Variants in DTNA observed in about 807,000 individuals in gnomAD.
DTNA encodes dystrobrevin alpha, also known as dystrophin-related protein 3.
DTNA carries 43 observed loss-of-function variants against 100.7 expected under a neutral mutation model. That is an observed-to-expected ratio of 0.43 (90% CI 0.33 to 0.55). The LOEUF (loss-of-function observed/expected upper bound fraction) is 0.55. Among genes scored for constraint, DTNA ranks in the 20% least tolerant of loss-of-function variants. The probability of loss-of-function intolerance (pLI) is 0.04; values close to 1 mark genes in which losing one functional copy is unlikely to be tolerated. For missense variants in DTNA, 798 were observed against 953.9 expected, an observed-to-expected ratio of 0.84 and a Z score of 2.15; for synonymous variants, 349 against 347.9, an observed-to-expected ratio of 1.00 and a Z score of -0.04.
At chr18:34,594,216 G>C (rs1232560253) in intron 1 of DTNA, among the ~76,000 whole-genome samples, 1 of 151,968 alleles carries the variant, frequency 6.6e-6, no homozygotes, top group Non-Finnish European at 1.5e-5. Flanking sequence ...AGAAGACAAG[G>C]GAGAGGAAGA....
chr18:34,860,377 A>G (rs1206993181), intron 16 of DTNA, among the ~76,000 whole-genome samples: 1 of 151,586 alleles, frequency 6.6e-6, no homozygotes, highest in Non-Finnish European at 1.5e-5. Context: ...CATTCTTTTC[A>G]TCTTTCAGTT....
chr18:34,817,928 T>C, intron 7 of DTNA: 1 of 1,371,716 alleles, frequency 7.3e-7, no homozygotes, highest in Non-Finnish European at 9.5e-7. Flanking sequence ...ACAGAGATTT[T>C]TGTTGTTAAA....
chr18:34,681,227 A>C (rs1466946619), intron 1 of DTNA, among the ~76,000 whole-genome samples: 1 of 152,090 alleles, frequency 6.6e-6, no homozygotes, highest in African/African-American at 2.4e-5. Context: ...TACTTCATTA[A>C]TTTCTTCCAA....
At chr18:34,730,576 A>G (rs1474765435) in intron 1 of DTNA, among the ~76,000 whole-genome samples, 3 of 152,142 alleles carry the variant, frequency 2.0e-5, no homozygotes, top group Non-Finnish European at 4.4e-5. Flanking sequence ...AGTAATTTTC[A>G]TGGCTCTGGG....
chr18:34,694,544 G>A (rs552922159), intron 1 of DTNA, among the ~76,000 whole-genome samples: 1 of 152,214 alleles, frequency 6.6e-6, no homozygotes, highest in South Asian at 2.1e-4. Flanking sequence ...TCTCAATTTT[G>A]TCTATTTCTA....
intron 1 of DTNA, among the ~76,000 whole-genome samples, chr18:34,559,352 A>G (rs148559237): frequency 1.3e-5 from 2 of 152,222 alleles, no homozygotes; most frequent in Non-Finnish European, 1.5e-5. Context: ...AGTGGGGGGA[A>G]AAATGAATAG....
chr18:34,783,658 C>A (rs1264336109), intron 3 of DTNA, among the ~76,000 whole-genome samples: 11 of 152,144 alleles, frequency 7.2e-5, no homozygotes, highest in Admixed American at 6.5e-4. Flanking sequence ...GAAAACAAAT[C>A]TGAAGATTGT....
At chr18:34,557,231 G>T (rs924752549) in intron 1 of DTNA, among the ~76,000 whole-genome samples, 3 of 143,412 alleles carry the variant, frequency 2.1e-5, no homozygotes, top group African/African-American at 8.1e-5. Context: ...GCTCCTTTAA[G>T]CACTTCTCTG....
chr18:34,537,020 A>T (rs2043782304), intron 1 of DTNA, among the ~76,000 whole-genome samples: 1 of 151,956 alleles, frequency 6.6e-6, no homozygotes, highest in Non-Finnish European at 1.5e-5. Context: ...AAATTCAGGG[A>T]CAATAAAAGA....
chr18:34,835,652 CT>C (rs1439411668), intron 11 of DTNA, among the ~76,000 whole-genome samples: 1 of 152,232 alleles, frequency 6.6e-6, no homozygotes, highest in Non-Finnish European at 1.5e-5. Flanking sequence ...GTACACAGTA[CT>C]GAGGCTAGGG....
At position 34,700,348 on chromosome 18, in the gene DTNA, C is replaced by T. The variant is rs572180146; in HGVS notation, c.-1-55628C>T. Among the ~76,000 whole-genome samples the T allele has an allele frequency of 2.6e-5, 4 of 152,250 alleles. No individual in the cohort carries two copies. The South Asian group carries it at 6.2e-4, about 24-fold the overall frequency. On this transcript the variant is annotated intron_variant, in intron 1 of 19. Transcript: ENST00000283365. ...AATCAAAATAAGATACTTCTGTCTCCAAATACCACATGCTCCACTTCCAGC... is the reference window on the plus strand; with the variant it reads ...AATCAAAATAAGATACTTCTGTCTCTAAATACCACATGCTCCACTTCCAGC...
At chr18:34,700,923 C>G (rs1343989784) in intron 1 of DTNA, among the ~76,000 whole-genome samples, 1 of 152,214 alleles carries the variant, frequency 6.6e-6, no homozygotes, top group Non-Finnish European at 1.5e-5. Context: ...CATCTGCAGC[C>G]TTCAACTCCT....
chr18:34,715,035 T>C, intron 1 of DTNA, among the ~76,000 whole-genome samples: 1 of 128,264 alleles, frequency 7.8e-6, no homozygotes, highest in African/African-American at 3.0e-5. Flanking sequence ...GGAAGGGGAA[T>C]ATCACACTCT....
intron 1 of DTNA, among the ~76,000 whole-genome samples, chr18:34,608,054 A>C (rs995115789): frequency 1.3e-5 from 2 of 152,192 alleles, no homozygotes; most frequent in African/African-American, 2.4e-5. Flanking sequence ...AATTAAGGGA[A>C]GCCCAGAAGG....
intron 1 of DTNA, among the ~76,000 whole-genome samples, chr18:34,722,259 TCACA>T (rs2085500873): frequency 6.6e-6 from 1 of 152,114 alleles, no homozygotes; most frequent in Non-Finnish European, 1.5e-5. Flanking sequence ...TAAGCTATAA[TCACA>T]ATTAAGTTGA....
chr18:34,515,186 C>G (rs1409010315), intron 1 of DTNA, among the ~76,000 whole-genome samples: 1 of 152,032 alleles, frequency 6.6e-6, no homozygotes, highest in Non-Finnish European at 1.5e-5. Context: ...GGATTTTTCA[C>G]TTCTCTTAGT....
intron 1 of DTNA, among the ~76,000 whole-genome samples, chr18:34,625,461 C>T (rs1408420953): frequency 6.6e-6 from 1 of 152,238 alleles, no homozygotes; most frequent in East Asian, 1.9e-4. Context: ...GCGTGAGCCA[C>T]TGCGCCCGGC....
At chr18:34,834,551 G>A (rs559203675) in intron 11 of DTNA, among the ~76,000 whole-genome samples, 24 of 152,092 alleles carry the variant, frequency 1.6e-4, no homozygotes, top group African/African-American at 5.3e-4. Flanking sequence ...CAGGCTGTAC[G>A]TGAAGCATGG....
At chr18:34,803,431 C>T (rs9304140) in intron 4 of DTNA, among the ~76,000 whole-genome samples, 3,842 of 152,046 alleles carry the variant, frequency 0.025, 169 homozygotes, top group African/African-American at 0.087. Flanking sequence ...TCTAAGAGTA[C>T]ACCTATGAGC....
Sources: allele counts gnomAD v4.1 joint callset (sites outside exome capture counted in the v4.1 genomes callset), GRCh38; gene constraint gnomAD v4.1.1; transcripts MANE v1.5; gene names NCBI Gene and HGNC (gene_info 2026-07-23, HGNC 2026-07-21).